LAIR1: variants seen among roughly 807,000 people sequenced by gnomAD.
The protein encoded by LAIR1 is leukocyte-associated immunoglobulin-like receptor 1.
A neutral mutation model predicts 32.8 loss-of-function variants in LAIR1; 24 were observed. The ratio of observed to expected loss-of-function variants is 0.73; its 90% CI spans 0.53 to 1.03. The LOEUF (loss-of-function observed/expected upper bound fraction) is 1.03, where lower values mean the gene tolerates loss of function less well. Among genes scored for constraint, LAIR1 ranks in the 50% least tolerant of loss-of-function variants. The probability of loss-of-function intolerance (pLI) is 0.00; values close to 1 mark genes in which losing one functional copy is unlikely to be tolerated. For missense variants in LAIR1, 355 were observed against 347.5 expected, an observed-to-expected ratio of 1.02 and a Z score of -0.17; for synonymous variants, 150 against 140.5, an observed-to-expected ratio of 1.07 and a Z score of -0.48.
chr19:54,351,533 T>C lies in LAIR1; in HGVS notation c.*3735A>G, dbSNP rs1030783714. 7 of 152,302 alleles carry C rather than the reference T, an allele frequency of 4.6e-5. No homozygotes were observed. Among genetic ancestry groups the C allele is most frequent in the Admixed American group, 3.3e-4 (5 of 15,298 alleles). The allele number at this position is 152,302 out of a possible 1,614,324, so 9.4% of individuals were successfully genotyped here. On this transcript the variant is annotated 3_prime_UTR_variant, in exon 10 of 10. Coordinates refer to ENST00000391742, the MANE Select transcript of LAIR1 (RefSeq NM_002287.6). ...TCCTACAAGAAAGGAGATTAAGGTG[T>C]AGAATTTTACACTCATCACAGAAAG...
chr19:54,365,096 C>G (rs1302846781), upstream of LAIR1: 5 of 1,311,592 alleles, frequency 3.8e-6, no homozygotes, highest in East Asian at 1.3e-4. Context: ...CTTTCTAAAT[C>G]TATGGGACAA....
upstream of LAIR1, among the ~76,000 whole-genome samples, chr19:54,366,612 C>G (rs1024886814): frequency 8.5e-5 from 13 of 152,106 alleles, no homozygotes; most frequent in African/African-American, 3.1e-4. Context: ...CCTCAGCCTC[C>G]CGATTAGCTG....
chr19:54,365,899 G>C (rs1487594228), upstream of LAIR1, among the ~76,000 whole-genome samples: 2 of 152,116 alleles, frequency 1.3e-5, no homozygotes, highest in African/African-American at 4.8e-5. Flanking sequence ...TAGAATAATT[G>C]ATATAGAAAA....
In LAIR1 at chr19:54,364,196, G is replaced by A. The variant is rs1569202551; in HGVS notation, c.70+99C>T. The stretch of plus-strand genomic sequence containing the variant: ...TTGCAATCTAGGGTATATTTAAAGG[G>A]ATCTCTCCAGGCCCTCTAAGAATCA... On this transcript the variant is annotated intron_variant, in intron 2 of 9. Transcript: ENST00000391742. The surrounding 1 kb of genome is among the most constrained non-coding windows in gnomAD (Gnocchi z 4.8). 15 of 1,374,720 alleles carry A rather than the reference G, an allele frequency of 1.1e-5. No individual in the cohort carries two copies. Among genetic ancestry groups the A allele is most frequent in the Non-Finnish European group, 1.2e-5 (12 of 974,198 alleles). 85.2% of individuals were successfully genotyped at this position (1,374,720 alleles called of 1,614,324 possible).
intron 2 of LAIR1, among the ~76,000 whole-genome samples, chr19:54,363,437 G>T (rs2082115453): frequency 6.6e-6 from 1 of 152,132 alleles, no homozygotes; most frequent in Non-Finnish European, 1.5e-5. Flanking sequence ...CTCAGCCTTG[G>T]TTGTGTTGGG....
intron 4 of LAIR1, chr19:54,358,737 C>G (rs1354597360): frequency 7.7e-6 from 5 of 646,342 alleles, no homozygotes; most frequent in Non-Finnish European, 1.3e-5. Context: ...CTGCCCTAAA[C>G]GATTCTACCA....
intron 2 of LAIR1, among the ~76,000 whole-genome samples, chr19:54,362,430 G>A (rs1412392856): frequency 6.6e-6 from 1 of 152,200 alleles, no homozygotes; most frequent in Non-Finnish European, 1.5e-5. Context: ...CAGGATGCCT[G>A]CCGTTTGGAG....
intron 2 of LAIR1, among the ~76,000 whole-genome samples, chr19:54,363,707 A>G (rs1314618331): frequency 6.6e-6 from 1 of 152,236 alleles, no homozygotes; most frequent in Non-Finnish European, 1.5e-5. Flanking sequence ...CAGAAAGACA[A>G]TTACTGCGCG....
chr19:54,366,790 G>A (rs909140321), upstream of LAIR1, among the ~76,000 whole-genome samples: 1 of 152,140 alleles, frequency 6.6e-6, no homozygotes, highest in Non-Finnish European at 1.5e-5. Flanking sequence ...GCCTGGCCAA[G>A]TCAGAAGAAA....
intron 2 of LAIR1, among the ~76,000 whole-genome samples, chr19:54,361,953 G>C (rs1201404441): frequency 6.6e-6 from 1 of 151,796 alleles, no homozygotes; most frequent in East Asian, 1.9e-4. Flanking sequence ...AAACAGGAAG[G>C]TTGTGTCAAA....
chr19:54,374,091 AT>A (rs10714670), upstream of LAIR1, among the ~76,000 whole-genome samples: 4,397 of 147,816 alleles, frequency 0.03, 220 homozygotes, highest in African/African-American at 0.1. Context: ...TAAGTACAGA[AT>A]TTTTTTTTTT....
At chr19:54,365,076 G>C, upstream of LAIR1, 1 of 1,353,552 alleles carries the variant, frequency 7.4e-7, no homozygotes, top group South Asian at 1.7e-5. Context: ...GTTACCAGAT[G>C]TGTCAGCCTC....
At chr19:54,369,823 A>G (rs1335187418), upstream of LAIR1, among the ~76,000 whole-genome samples, 1 of 151,478 alleles carries the variant, frequency 6.6e-6, no homozygotes, top group Non-Finnish European at 1.5e-5. Context: ...AAGAGTTTGC[A>G]TTAGAATAGT....
Position 54,364,780 on chromosome 19 carries a change from G to A in LAIR1, c.25C>T (p.Leu9=), listed in dbSNP as rs766943921. The A allele has an allele frequency of 6.2e-7, 1 of 1,614,000 alleles. No individual in the cohort carries two copies. Among genetic ancestry groups the A allele is most frequent in the South Asian group, 1.1e-5 (1 of 91,076 alleles). MSPHPTAL[L]GLVLCLAQTI... ...TGCCTCCAGGACTCACCTAGGCCCA[G>A]GAGGGCGGTGGGGTGGGGAGACATG... Residue 9 remains leucine, a synonymous_variant, in exon 1 of 10, where the codon CTG becomes TTG. Transcript: ENST00000391742. The surrounding 1 kb of genome is among the most constrained non-coding windows in gnomAD (Gnocchi z 4.8).
chr19:54,372,491 CTTT>C (rs35628063), upstream of LAIR1, among the ~76,000 whole-genome samples: 10 of 131,540 alleles, frequency 7.6e-5, no homozygotes, highest in Non-Finnish European at 1.3e-4. Flanking sequence ...TTCTTTCTTT[CTTT>C]TTTTTTTTTT....
intron 2 of LAIR1, 165 bp from the exon 3 acceptor site, chr19:54,361,374 C>T (rs1316989118): frequency 1.7e-5 from 12 of 720,594 alleles, no homozygotes; most frequent in East Asian, 2.5e-5. Context: ...GCACCTTCTA[C>T]GTGCATGTGA....
chr19:54,360,791 G>T, intron 3 of LAIR1, 125 bp downstream of exon 3: 1 of 684,016 alleles, frequency 1.5e-6, no homozygotes, highest in African/African-American at 4.3e-5. Context: ...GGGAGGGGAG[G>T]GCTTGGGGTC....
rs2081604077 is a variant in LAIR1 at position 54,354,194 on chromosome 19, T to C, written c.*1074A>G. 6.6e-6 allele frequency: 1 copy of C among 152,208 alleles called. No individual in the cohort carries two copies. 9.4% of individuals were successfully genotyped at this position (152,208 alleles called of 1,614,324 possible). ...ACCAACAGCAGGCTCAGTGATTCCT[T>C]GGATTTCCTGGGGCGTGTGAGTGTA... On this transcript the variant is annotated 3_prime_UTR_variant, in exon 10 of 10. Transcript: ENST00000391742.
At chr19:54,375,688 C>G in the LAIR1 span, among the ~76,000 whole-genome samples, 2 of 151,930 alleles carry the variant, frequency 1.3e-5, no homozygotes, top group East Asian at 3.9e-4. Context: ...GGCCACCTCC[C>G]CAGTGAGGCT....
Sources: gnomAD v4.1 joint callset for allele counts (sites outside exome capture counted in the v4.1 genomes callset) on GRCh38, gnomAD v4.1.1 for gene constraint, Gnocchi (gnomAD v3.1) non-coding constraint, MANE v1.5 for transcripts, NCBI Gene and HGNC (gene_info 2026-07-23, HGNC 2026-07-21) for gene names.